The following RBFOX1 variants were observed in gnomAD, a reference collection of about 807,000 sequenced individuals.
RBFOX1 encodes RNA binding protein fox-1 homolog 1.
Under a neutral mutation model 57.7 loss-of-function variants are expected in RBFOX1, and 8 were observed. That is an observed-to-expected ratio of 0.14 (90% CI 0.08 to 0.25). The LOEUF is 0.25. Ranked by LOEUF, RBFOX1 falls within the 10% of genes least tolerant of loss-of-function variation. The pLI, the probability that RBFOX1 is intolerant of heterozygous loss-of-function variation, is 1.00. For missense variants in RBFOX1, 611 were observed against 548.5 expected (o/e 1.11, Z -1.14); for synonymous variants, 326 against 222.4 (o/e 1.47, Z -4.15).
intron 2 of RBFOX1, among the ~76,000 whole-genome samples, chr16:6,318,574 A>G (rs2081383421): frequency 1.3e-5 from 2 of 152,098 alleles, no homozygotes; most frequent in Non-Finnish European, 1.5e-5. Flanking sequence ...TGTCTTCTGA[A>G]TATGATTGAA....
intron 3 of RBFOX1, among the ~76,000 whole-genome samples, chr16:5,704,390 G>T (rs555141993): frequency 1.3e-5 from 2 of 152,198 alleles, no homozygotes; most frequent in East Asian, 3.9e-4. Flanking sequence ...TGGGGGTCTG[G>T]GGGTCGCCAC....
chr16:5,833,902 C>G (rs2056367417), intron 3 of RBFOX1, among the ~76,000 whole-genome samples: 1 of 152,172 alleles, frequency 6.6e-6, no homozygotes, highest in African/African-American at 2.4e-5. Flanking sequence ...ACTACTCTCC[C>G]TCTCCATACT....
intron 1 of RBFOX1, among the ~76,000 whole-genome samples, chr16:5,252,729 C>T (rs1375440684): frequency 6.6e-6 from 1 of 152,248 alleles, no homozygotes; most frequent in Admixed American, 6.5e-5. Context: ...TGGAGCTCGG[C>T]TGCCCAGCCA....
chr16:6,440,026 T>C (rs1468017792), intron 2 of RBFOX1, among the ~76,000 whole-genome samples: 3 of 124,138 alleles, frequency 2.4e-5, no homozygotes, highest in Non-Finnish European at 3.7e-5. Context: ...AACTTCCTTC[T>C]CCTGGGTTCA....
At chr16:7,615,191 G>C (rs531116681) in intron 10 of RBFOX1, among the ~76,000 whole-genome samples, 1 of 152,276 alleles carries the variant, frequency 6.6e-6, no homozygotes, top group East Asian at 1.9e-4. Context: ...AAAGTATCTG[G>C]GCGTGGTGGC....
chr16:7,325,337 C>T (rs1316580208), intron 4 of RBFOX1, among the ~76,000 whole-genome samples: 6 of 152,182 alleles, frequency 3.9e-5, no homozygotes, highest in South Asian at 4.1e-4. Context: ...GAACACACAG[C>T]TGATAACTGG....
intron 4 of RBFOX1, among the ~76,000 whole-genome samples, chr16:7,418,053 C>G (rs925296400): frequency 6.6e-6 from 1 of 152,124 alleles, no homozygotes; most frequent in Admixed American, 6.6e-5. Flanking sequence ...CATTCAGTCA[C>G]TGGAGGCCAA....
At chr16:7,639,511 C>T (rs13336777) in intron 11 of RBFOX1, among the ~76,000 whole-genome samples, 3,880 of 152,152 alleles carry the variant, frequency 0.026, 173 homozygotes, top group African/African-American at 0.087. Context: ...ATGCCAGGTG[C>T]AATTCTACAT....
intron 2 of RBFOX1, among the ~76,000 whole-genome samples, chr16:6,358,974 TCGG>T (rs1264764806): frequency 6.6e-6 from 1 of 152,244 alleles, no homozygotes; most frequent in Non-Finnish European, 1.5e-5. Flanking sequence ...CATTGCTCTG[TCGG>T]CGCCTATAGA....
intron 4 of RBFOX1, among the ~76,000 whole-genome samples, chr16:7,375,220 G>T (rs747205592): frequency 6.6e-6 from 1 of 152,212 alleles, no homozygotes; most frequent in African/African-American, 2.4e-5. Context: ...CATCGTTTCA[G>T]TGACCAAGTC....
rs975794829 is a variant in RBFOX1, at chr16:6,483,455, CTG to C, written c.-64+166402_-64+166403del. The C allele has an allele frequency of 6.1e-5, 94 of 1,535,694 alleles. 2 individuals are homozygous for C. In the African/African-American group the frequency reaches 8.1e-4, roughly 13 times the overall value. ...GCTGTTGCCTCGGACTTCTCCCGTG[CTG>C]TGTTTTCCCGGTGAGGAAACAGGAG... is the stretch of plus-strand genomic sequence containing the variant. On this transcript the variant is annotated intron_variant, in intron 2 of 15. Transcript: ENST00000550418.
intron 3 of RBFOX1, among the ~76,000 whole-genome samples, chr16:6,874,741 T>TA (rs764441901): frequency 7.9e-5 from 12 of 151,696 alleles, no homozygotes; most frequent in African/African-American, 2.7e-4. Flanking sequence ...CACAAAAGCA[T>TA]AAAAAATGAC....
chr16:7,260,741 A>C (rs1394434823), intron 4 of RBFOX1, among the ~76,000 whole-genome samples: 1 of 152,134 alleles, frequency 6.6e-6, no homozygotes, highest in Non-Finnish European at 1.5e-5. Context: ...CTTTTTACGA[A>C]CTTCAGGATA....
At chr16:7,326,783 C>T (rs1007937632) in intron 4 of RBFOX1, among the ~76,000 whole-genome samples, 11 of 152,042 alleles carry the variant, frequency 7.2e-5, no homozygotes, top group South Asian at 2.1e-4. Flanking sequence ...AACTTTGAAA[C>T]GCAGGCTTTT....
chr16:6,917,945 T>A (rs1048396657), intron 3 of RBFOX1, among the ~76,000 whole-genome samples: 1 of 152,144 alleles, frequency 6.6e-6, no homozygotes, highest in African/African-American at 2.4e-5. Flanking sequence ...TTACTCAACC[T>A]AAGTCTCAGG....
intron 3 of RBFOX1, among the ~76,000 whole-genome samples, chr16:6,755,166 C>T (rs533223078): frequency 2.6e-5 from 4 of 152,256 alleles, no homozygotes; most frequent in East Asian, 1.9e-4. Context: ...AATAAACATA[C>T]GTGTGCATGT....
intron 4 of RBFOX1, among the ~76,000 whole-genome samples, chr16:5,954,514 C>G (rs1597941944): frequency 6.6e-6 from 1 of 152,152 alleles, no homozygotes; most frequent in African/African-American, 2.4e-5. Flanking sequence ...TGCGTGGCAT[C>G]TTGAGTCTTC....
chr16:5,247,264 C>G (rs1053131497), intron 1 of RBFOX1, among the ~76,000 whole-genome samples: 1 of 152,196 alleles, frequency 6.6e-6, no homozygotes, highest in African/African-American at 2.4e-5. Flanking sequence ...TGCTCCTGGT[C>G]TTGCAAACTG....
intron 2 of RBFOX1, among the ~76,000 whole-genome samples, chr16:6,422,047 A>T (rs943030531): frequency 1.7e-5 from 2 of 118,826 alleles, no homozygotes; most frequent in African/African-American, 5.4e-5. Context: ...CAGCCTCCCG[A>T]GTAGGTGGGA....
Sources: gnomAD v4.1 joint callset for allele counts (sites outside exome capture counted in the v4.1 genomes callset) on GRCh38, gnomAD v4.1.1 for gene constraint, MANE v1.5 for transcripts, NCBI Gene and HGNC (gene_info 2026-07-23, HGNC 2026-07-21) for gene names.